Variants in DACH1 observed in about 807,000 individuals in gnomAD.
DACH1 encodes the protein dachshund family transcription factor 1.
A neutral mutation model predicts 54.2 loss-of-function variants in DACH1; 12 were observed. The observed-to-expected ratio is 0.22, with a 90% confidence interval of 0.14 to 0.36. The LOEUF (loss-of-function observed/expected upper bound fraction) is 0.36, where lower values mean the gene tolerates loss of function less well. Ranked by LOEUF, DACH1 falls within the 10% of genes least tolerant of loss-of-function variation. DACH1 has a pLI of 1.00. For missense variants in DACH1, 805 were observed against 929.8 expected, an observed-to-expected ratio of 0.87 and a Z score of 1.75; for synonymous variants, 386 against 366.2, an observed-to-expected ratio of 1.05 and a Z score of -0.62.
intron 10 of DACH1, among the ~76,000 whole-genome samples, chr13:71,463,034 A>G (rs545342075): frequency 5.9e-5 from 9 of 152,126 alleles, no homozygotes; most frequent in Middle Eastern, 3.4e-3. Flanking sequence ...AACAGGACTT[A>G]GCAGTTAAAG....
intron 1 of DACH1, among the ~76,000 whole-genome samples, chr13:71,755,769 G>T (rs1885120936): frequency 6.6e-6 from 1 of 152,112 alleles, no homozygotes; most frequent in Non-Finnish European, 1.5e-5. Flanking sequence ...AATCAAGTCT[G>T]TCCCTTGCCT....
At chr13:71,706,897 T>C (rs986146362) in intron 1 of DACH1, among the ~76,000 whole-genome samples, 5 of 152,238 alleles carry the variant, frequency 3.3e-5, no homozygotes, top group Admixed American at 3.3e-4. Flanking sequence ...ACTGTCGCTA[T>C]TTAAACTGTT....
intron 1 of DACH1, among the ~76,000 whole-genome samples, chr13:71,789,928 T>C (rs1442317299): frequency 6.6e-6 from 1 of 152,144 alleles, no homozygotes; most frequent in Non-Finnish European, 1.5e-5. Context: ...AGTGCCGGCA[T>C]ACAAATTTAT....
intron 1 of DACH1, among the ~76,000 whole-genome samples, chr13:71,772,322 T>C (rs912515231): frequency 1.3e-5 from 2 of 151,722 alleles, no homozygotes; most frequent in African/African-American, 4.8e-5. Flanking sequence ...CATTTGTGTG[T>C]ATTTTGCACA....
intron 1 of DACH1, among the ~76,000 whole-genome samples, chr13:71,798,948 C>T (rs932235632): frequency 1.3e-5 from 2 of 152,072 alleles, no homozygotes; most frequent in East Asian, 1.9e-4. Flanking sequence ...GAGCTCTCTC[C>T]TCTGTTGTTT....
At chr13:71,531,631 G>A (rs1045761101) in intron 6 of DACH1, among the ~76,000 whole-genome samples, 1 of 151,886 alleles carries the variant, frequency 6.6e-6, no homozygotes, top group African/African-American at 2.4e-5. Context: ...ATTAAAACAT[G>A]CAAGCAAAGG....
chr13:71,693,950 A>G (rs899690563), intron 1 of DACH1, among the ~76,000 whole-genome samples: 7 of 152,134 alleles, frequency 4.6e-5, no homozygotes, highest in African/African-American at 1.7e-4. Flanking sequence ...CTTCACATAT[A>G]AATCACAAAA....
At chr13:71,475,392 C>T (rs1012449055) in intron 9 of DACH1, among the ~76,000 whole-genome samples, 183 bp from the exon 10 acceptor site, 1 of 152,084 alleles carries the variant, frequency 6.6e-6, no homozygotes, top group African/African-American at 2.4e-5. Context: ...GTAAGCAATG[C>T]AACATTGTTC....
intron 3 of DACH1, among the ~76,000 whole-genome samples, chr13:71,605,585 T>A (rs61957846): frequency 0.046 from 6,945 of 152,012 alleles, 260 homozygotes; most frequent in Admixed American, 0.096. Flanking sequence ...ATAAAACATG[T>A]ATGCTTATAT....
intron 10 of DACH1, 77 bp downstream of exon 10, chr13:71,475,064 T>C: frequency 7.5e-7 from 1 of 1,338,640 alleles, no homozygotes; most frequent in South Asian, 1.2e-5. Flanking sequence ...GTAGGCTACA[T>C]GCTTGAATAG....
At chr13:71,704,870 G>T (rs1168162953) in intron 1 of DACH1, among the ~76,000 whole-genome samples, 11 of 152,004 alleles carry the variant, frequency 7.2e-5, no homozygotes, top group Non-Finnish European at 1.3e-4. Context: ...TGCTCAATTG[G>T]CTAGAAATCG....
rs181720727 is a variant in DACH1, at chr13:71,440,741, C to A, written c.2084-49G>T. 1.9e-4 allele frequency: 267 copies of A among 1,398,236 alleles called. No homozygotes were observed. In the African/African-American group the frequency reaches 3.5e-3, roughly 18 times the overall value. The allele number at this position is 1,398,236 out of a possible 1,614,324, so 86.6% of individuals were successfully genotyped here. On this transcript the variant is annotated intron_variant, in intron 10 of 10. Coordinates refer to ENST00000613252, the MANE Select transcript of DACH1 (RefSeq NM_080759.6). ...AATTAATGGCATGGTATTTGGGGTA[C>A]AAATGTGCATGTAAAAATGATGTAA...
intron 6 of DACH1, among the ~76,000 whole-genome samples, chr13:71,512,343 T>C (rs1880841686): frequency 6.6e-6 from 1 of 151,874 alleles, no homozygotes; most frequent in South Asian, 2.1e-4. Context: ...AATTTCCCTT[T>C]GGTTTACCGC....
At chr13:71,809,412 C>A (rs1408096812) in intron 1 of DACH1, among the ~76,000 whole-genome samples, 1 of 152,088 alleles carries the variant, frequency 6.6e-6, no homozygotes, top group African/African-American at 2.4e-5. Context: ...CTCAAGTGAT[C>A]CTCCCACTTC....
At chr13:71,593,422 C>A (rs1593952456) in intron 3 of DACH1, among the ~76,000 whole-genome samples, 2 of 152,038 alleles carry the variant, frequency 1.3e-5, no homozygotes, top group East Asian at 1.9e-4. Flanking sequence ...AGAATAGATG[C>A]CAACCCATTT....
intron 2 of DACH1, among the ~76,000 whole-genome samples, chr13:71,661,717 C>A (rs1879501296): frequency 6.6e-6 from 1 of 151,924 alleles, no homozygotes; most frequent in African/African-American, 2.4e-5. Flanking sequence ...ATAACTATAA[C>A]ATTATCCTAA....
At chr13:71,657,811 A>G (rs1046828816) in intron 2 of DACH1, among the ~76,000 whole-genome samples, 3 of 151,932 alleles carry the variant, frequency 2.0e-5, no homozygotes, top group Non-Finnish European at 4.4e-5. Flanking sequence ...GGGTCTCACT[A>G]TGTTGCCCGG....
intron 1 of DACH1, among the ~76,000 whole-genome samples, chr13:71,689,200 T>A (rs1038824660): frequency 8.5e-5 from 13 of 152,208 alleles, no homozygotes; most frequent in African/African-American, 3.1e-4. Context: ...CACATGAGAA[T>A]TATTCCCCAA....
rs528491330 is a variant in DACH1 at position 71,648,589 on chromosome 13, A to G, written c.965-17872T>C. On this transcript the variant is annotated intron_variant, in intron 2 of 10. Coordinates refer to ENST00000613252, the MANE Select transcript of DACH1 (RefSeq NM_080759.6). ...AGCAATAGCAGGCATATGGTATAGG[A>G]CAAAGAATATGGGTTTTGAAGACTA... is the stretch of plus-strand genomic sequence containing the variant. Among the ~76,000 whole-genome samples, 56 of 152,288 alleles carry G rather than the reference A, an allele frequency of 3.7e-4. 1 individual carries two copies. The South Asian group carries it at 0.011, about 29-fold the overall frequency.
Sources: gnomAD v4.1 joint callset for allele counts (sites outside exome capture counted in the v4.1 genomes callset) on GRCh38, gnomAD v4.1.1 for gene constraint, MANE v1.5 for transcripts, NCBI Gene and HGNC (gene_info 2026-07-23, HGNC 2026-07-21) for gene names.